RNF220: variants seen among roughly 807,000 people sequenced by gnomAD.
RNF220 encodes the protein E3 ubiquitin-protein ligase RNF220.
A neutral mutation model predicts 67.1 loss-of-function variants in RNF220; 7 were observed. The observed-to-expected ratio is 0.10, with a 90% confidence interval of 0.06 to 0.20. RNF220 has a LOEUF of 0.20. RNF220 is among the 10% of genes least tolerant of loss of function. The pLI is 1.00. For synonymous variants in RNF220, 270 were observed against 283.2 expected, an observed-to-expected ratio of 0.95 and a Z score of 0.47; for missense variants, 565 against 740.3, an observed-to-expected ratio of 0.76 and a Z score of 2.75.
chr1:44,587,079 C>T (rs1665751770), intron 2 of RNF220, among the ~76,000 whole-genome samples: 1 of 131,832 alleles, frequency 7.6e-6, no homozygotes, highest in African/African-American at 3.4e-5. Flanking sequence ...TTCCCAGTTC[C>T]TTCTGTTTTT....
At chr1:44,473,532 T>G (rs1655011301) in intron 2 of RNF220, among the ~76,000 whole-genome samples, 1 of 151,944 alleles carries the variant, frequency 6.6e-6, no homozygotes, top group Non-Finnish European at 1.5e-5. Context: ...CAGGAGTAAC[T>G]CTTTGAAAAC....
chr1:44,489,252 T>TA (rs1656632307), intron 2 of RNF220, among the ~76,000 whole-genome samples: 1 of 152,132 alleles, frequency 6.6e-6, no homozygotes, highest in Non-Finnish European at 1.5e-5. Context: ...AAGAGGTAGG[T>TA]AAGGGGCCAC....
At chr1:44,453,561 C>A (rs1652891206) in intron 2 of RNF220, among the ~76,000 whole-genome samples, 1 of 151,716 alleles carries the variant, frequency 6.6e-6, no homozygotes, top group South Asian at 2.1e-4. Context: ...TCATGGTGAT[C>A]ATGAGGTTTT....
At chr1:44,589,319 A>G (rs183844876) in intron 2 of RNF220, among the ~76,000 whole-genome samples, 1 of 152,290 alleles carries the variant, frequency 6.6e-6, no homozygotes, top group Non-Finnish European at 1.5e-5. Flanking sequence ...GTATAACAAG[A>G]ATATCCACCT....
intron 2 of RNF220, among the ~76,000 whole-genome samples, chr1:44,550,459 T>C (rs72897504): frequency 6.6e-6 from 1 of 152,302 alleles, no homozygotes; most frequent in African/African-American, 2.4e-5. Flanking sequence ...TTCCCTGAAA[T>C]CAGGGACAAC....
In RNF220 at chr1:44,632,339, C is replaced by A. The variant is rs2148474067; in HGVS notation, c.907-4C>A. ...TCTTGCATCTGCCCGCGATCTTCTC[C>A]CAGACCTTTCTGCGAGTACGAGCCA... On this transcript the variant is annotated splice_region_variant and splice_polypyrimidine_tract_variant and intron_variant, in intron 5 of 14. Coordinates refer to ENST00000361799, the MANE Select transcript of RNF220 (RefSeq NM_018150.4). 2 of 1,614,124 alleles carry A rather than the reference C, an allele frequency of 1.2e-6. No homozygotes were observed. The highest frequency in any genetic ancestry group is 4.5e-5 in the East Asian group (2 of 44,878).
chr1:44,533,638 G>A (rs1660994071), intron 2 of RNF220, among the ~76,000 whole-genome samples: 1 of 152,212 alleles, frequency 6.6e-6, no homozygotes, highest in South Asian at 2.1e-4. Flanking sequence ...CTGCCCTGAA[G>A]AGGTTCAAAA....
chr1:44,512,187 T>G (rs1264718770), intron 2 of RNF220, among the ~76,000 whole-genome samples: 2 of 152,094 alleles, frequency 1.3e-5, no homozygotes, highest in Non-Finnish European at 2.9e-5. Flanking sequence ...CTGAACCAAT[T>G]TAACATAAGG....
At chr1:44,642,244 G>A (rs543220897) in intron 8 of RNF220, among the ~76,000 whole-genome samples, 9 of 152,336 alleles carry the variant, frequency 5.9e-5, no homozygotes, top group Admixed American at 3.9e-4. Context: ...GTATAAGAAC[G>A]TGGGAAGCCC....
intron 2 of RNF220, among the ~76,000 whole-genome samples, chr1:44,472,880 C>T (rs987331179): frequency 2.0e-5 from 3 of 152,180 alleles, no homozygotes; most frequent in Non-Finnish European, 4.4e-5. Context: ...CCTGTGGCTC[C>T]CTGCCACCTT....
chr1:44,587,439 G>A (rs919291798), intron 2 of RNF220, among the ~76,000 whole-genome samples: 18 of 152,130 alleles, frequency 1.2e-4, no homozygotes, highest in African/African-American at 4.1e-4. Context: ...GAGCCACCAC[G>A]CCCGGCCACT....
At chr1:44,430,987 A>G (rs765591226) in intron 2 of RNF220, among the ~76,000 whole-genome samples, 4 of 152,216 alleles carry the variant, frequency 2.6e-5, no homozygotes, top group South Asian at 2.1e-4. Context: ...ACTTGGTTCT[A>G]TTTCTTCCAA....
intron 5 of RNF220, chr1:44,631,839 G>A (rs1201266583): frequency 1.1e-6 from 1 of 929,292 alleles, no homozygotes; most frequent in Non-Finnish European, 1.3e-6. Flanking sequence ...GGCGGTGGGA[G>A]GGACCCCGGG....
intron 8 of RNF220, among the ~76,000 whole-genome samples, chr1:44,640,629 C>T (rs1573168533): frequency 6.6e-6 from 1 of 152,168 alleles, no homozygotes. Flanking sequence ...TGGCTAAGTG[C>T]GTTTGACACA....
At chr1:44,576,152 A>G (rs923991786) in intron 2 of RNF220, among the ~76,000 whole-genome samples, 3 of 152,262 alleles carry the variant, frequency 2.0e-5, no homozygotes, top group African/African-American at 7.2e-5. Context: ...ACATTACTTC[A>G]TCAGAGCAAC....
In RNF220 at chr1:44,614,200, G is replaced by C; in HGVS notation, c.661G>C (p.Ala221Pro). 1 of 1,614,150 alleles carries C rather than the reference G, an allele frequency of 6.2e-7. No homozygotes were observed. Among genetic ancestry groups the C allele is most frequent in the South Asian group, 1.1e-5 (1 of 91,072 alleles). ...KKAAALFDSQ[A>P]PICPICQVLL... ...AGCAGCGGCATTGTTCGACAGCCAG[G>C]CCCCAATTTGCCCCATCTGCCAGGT... The change falls in exon 3 of 15, where the codon GCC becomes CCC. Residue 221 changes from alanine (A) to proline (P), a missense_variant. Physicochemically the swap from Ala to Pro is conservative, Grantham distance 27. Transcript: ENST00000361799.
At chr1:44,500,650 G>A (rs994378941) in intron 2 of RNF220, among the ~76,000 whole-genome samples, 4 of 152,148 alleles carry the variant, frequency 2.6e-5, no homozygotes, top group African/African-American at 7.2e-5. Flanking sequence ...CCTCCCCAGC[G>A]GCTGCAGCTC....
At chr1:44,487,829 G>A (rs1210533416) in intron 2 of RNF220, among the ~76,000 whole-genome samples, 2 of 150,374 alleles carry the variant, frequency 1.3e-5, no homozygotes, top group Non-Finnish European at 3.0e-5. Flanking sequence ...GCAGTGAGCC[G>A]AGATTGCACC....
In RNF220 at chr1:44,650,390, C is replaced by T. The variant is rs1043415875; in HGVS notation, c.1630-314C>T. ...CGGAGACAGTAATAAAAGGCTCGGACGTGGGCTCTGTGTCCTGATCAAAGG... is the reference window on the plus strand; with the variant it reads ...CGGAGACAGTAATAAAAGGCTCGGATGTGGGCTCTGTGTCCTGATCAAAGG... On this transcript the variant is annotated intron_variant, in intron 14 of 14. Transcript: ENST00000361799. This position sits in a 1 kb window ranked among gnomAD's most constrained non-coding sequence, Gnocchi z 4.3. 1.3e-5 allele frequency: 6 copies of T among 468,394 alleles called. No individual in the cohort carries two copies. Among genetic ancestry groups the T allele is most frequent in the Admixed American group, 1.1e-4 (3 of 28,122 alleles). The allele number at this position is 468,394 out of a possible 1,614,324, so 29.0% of individuals were successfully genotyped here. A position where few individuals can be genotyped will look rare whatever the true frequency, so the allele number is the denominator to read the frequency against.
Sources: allele counts gnomAD v4.1 joint callset (sites outside exome capture counted in the v4.1 genomes callset), GRCh38; gene constraint gnomAD v4.1.1; non-coding constraint Gnocchi (gnomAD v3.1); transcripts MANE v1.5; gene names NCBI Gene and HGNC (gene_info 2026-07-23, HGNC 2026-07-21).